Variants in DAB2IP observed in about 807,000 individuals in gnomAD.
DAB2IP encodes DAB2 interacting protein.
In DAB2IP, 28 loss-of-function variants were observed where a neutral mutation model predicts 107.2. That is an observed-to-expected ratio of 0.26 (90% confidence interval 0.19 to 0.36). The LOEUF (loss-of-function observed/expected upper bound fraction) is 0.36. Among genes scored for constraint, DAB2IP ranks in the 10% least tolerant of loss-of-function variants. The pLI, the probability that DAB2IP is intolerant of heterozygous loss-of-function variation, is 1.00. For missense variants in DAB2IP, 1,400 were observed against 1,644.7 expected (o/e 0.85, Z 2.57); for synonymous variants, 755 against 706.4 (o/e 1.07, Z -1.09).
intron 2 of DAB2IP, among the ~76,000 whole-genome samples, chr9:121,696,831 G>A (rs916943265): frequency 6.6e-6 from 1 of 152,236 alleles, no homozygotes; most frequent in Non-Finnish European, 1.5e-5. Context: ...TCTCTAGGTG[G>A]ATGTGTGATG....
chr9:121,649,147 T>A (rs753308218), upstream of DAB2IP, among the ~76,000 whole-genome samples: 300 of 152,058 alleles, frequency 2.0e-3, 1 homozygote, highest in Non-Finnish European at 8.7e-4. Context: ...GTGGAGATGC[T>A]CGGCTCAGCT....
chr9:121,614,337 C>CTTT (rs35959966), intron 1 of DAB2IP, among the ~76,000 whole-genome samples: 1,203 of 102,438 alleles, frequency 0.012, 9 homozygotes, highest in Non-Finnish European at 0.013. Context: ...TCTTTCTTTT[C>CTTT]TTTTTTTTTT....
At chr9:121,625,226 A>G (rs1831601257) in intron 1 of DAB2IP, among the ~76,000 whole-genome samples, 1 of 148,322 alleles carries the variant, frequency 6.7e-6, no homozygotes, top group African/African-American at 2.5e-5. Context: ...CATAGATGCT[A>G]CCAAAGTGGC....
chr9:121,681,130 G>T (rs1185562868), intron 2 of DAB2IP, among the ~76,000 whole-genome samples: 3 of 152,068 alleles, frequency 2.0e-5, no homozygotes, highest in African/African-American at 4.8e-5. Flanking sequence ...GTTCCGAGAG[G>T]TAAAGTCACT....
chr9:121,571,912 G>A (rs896220338), intron 1 of DAB2IP, among the ~76,000 whole-genome samples: 7 of 152,174 alleles, frequency 4.6e-5, no homozygotes, highest in South Asian at 4.2e-4. Flanking sequence ...GGGAGAGCTC[G>A]GAAACTCGGC....
At chr9:121,774,046 A>C (rs1020614148) in intron 12 of DAB2IP, among the ~76,000 whole-genome samples, 6 of 152,144 alleles carry the variant, frequency 3.9e-5, no homozygotes, top group African/African-American at 1.4e-4. Flanking sequence ...GGTGCTCAGG[A>C]GGCCACCTGG....
At chr9:121,589,459 C>T (rs181754784) in intron 1 of DAB2IP, among the ~76,000 whole-genome samples, 19 of 152,282 alleles carry the variant, frequency 1.2e-4, no homozygotes, top group Non-Finnish European at 4.4e-5. Flanking sequence ...TAAAGACACA[C>T]TCAGAGGTCA....
intron 1 of DAB2IP, among the ~76,000 whole-genome samples, chr9:121,628,308 C>T (rs1209975472): frequency 1.3e-5 from 2 of 152,204 alleles, no homozygotes; most frequent in African/African-American, 4.8e-5. Context: ...CCCCCCCCAT[C>T]CTAGTGATCC....
chr9:121,759,845 C>T (rs1169993304), intron 5 of DAB2IP, 40 bp from the exon 6 acceptor site: 1 of 1,556,414 alleles, frequency 6.4e-7, no homozygotes, highest in Admixed American at 1.8e-5. Flanking sequence ...TTGCACGTGG[C>T]ACCCCCAGCT....
intron 1 of DAB2IP, among the ~76,000 whole-genome samples, chr9:121,580,689 ATC>A (rs752243345): frequency 1.2e-4 from 18 of 151,948 alleles, no homozygotes; most frequent in Admixed American, 4.6e-4. Flanking sequence ...CAGTGGCGCA[ATC>A]TCAGCTCACT....
At chr9:121,574,262 C>T (rs927204158) in intron 1 of DAB2IP, among the ~76,000 whole-genome samples, 1 of 152,126 alleles carries the variant, frequency 6.6e-6, no homozygotes, top group Non-Finnish European at 1.5e-5. Flanking sequence ...GGCTCTGCCA[C>T]TCAGCTCACT....
At position 121,681,488 on chromosome 9, in the gene DAB2IP, A is replaced by C. The variant is rs142970493; in HGVS notation, c.228+2707A>C. On this transcript the variant is annotated intron_variant, in intron 2 of 15. Transcript: ENST00000408936. ...TCGAGCTGCCTGGGACTCAACTCGC[A>C]GTCCCACCTGCCCGGTTAGGGTCTG... 7.2e-3 allele frequency among the ~76,000 whole-genome samples: 1,093 copies of C among 152,202 alleles called. 10 individuals carry two copies. The highest frequency in any genetic ancestry group is 0.025 in the African/African-American group (1,046 of 41,536).
At chr9:121,740,589 T>C (rs1468783108) in intron 3 of DAB2IP, among the ~76,000 whole-genome samples, 1 of 152,224 alleles carries the variant, frequency 6.6e-6, no homozygotes, top group Non-Finnish European at 1.5e-5. Flanking sequence ...CCAGGAGCTC[T>C]AACCCTCACC....
At chr9:121,730,424 C>T (rs1385547358) in intron 3 of DAB2IP, among the ~76,000 whole-genome samples, 3 of 152,182 alleles carry the variant, frequency 2.0e-5, no homozygotes. Flanking sequence ...AATTATAGCT[C>T]CATATTGGTA....
chr9:121,573,998 G>A (rs1282633982), intron 1 of DAB2IP, among the ~76,000 whole-genome samples: 4 of 152,102 alleles, frequency 2.6e-5, no homozygotes, highest in Admixed American at 6.5e-5. Flanking sequence ...TGGCCAAGGC[G>A]AGAGGCAGAC....
intron 3 of DAB2IP, among the ~76,000 whole-genome samples, chr9:121,730,972 T>C (rs1016717014): frequency 6.6e-6 from 1 of 152,186 alleles, no homozygotes; most frequent in Non-Finnish European, 1.5e-5. Flanking sequence ...GACACAGATC[T>C]CTGAAGAAGG....
intron 13 of DAB2IP, among the ~76,000 whole-genome samples, chr9:121,775,488 T>C (rs554074596): frequency 3.9e-5 from 6 of 152,348 alleles, no homozygotes; most frequent in African/African-American, 1.4e-4. Context: ...TGCATCCCTG[T>C]GTCCTCATGG....
chr9:121,747,497 G>A (rs1473354874), intron 3 of DAB2IP, among the ~76,000 whole-genome samples: 2 of 152,020 alleles, frequency 1.3e-5, no homozygotes, highest in Admixed American at 6.5e-5. Context: ...ACAGGCGCCC[G>A]CCATCACGCC....
intron 1 of DAB2IP, among the ~76,000 whole-genome samples, chr9:121,639,808 G>A (rs1832216038): frequency 6.6e-6 from 1 of 152,172 alleles, no homozygotes; most frequent in Non-Finnish European, 1.5e-5. Flanking sequence ...AGAGCAACAG[G>A]TGGGCGAGTG....
Sources: allele counts gnomAD v4.1 joint callset (sites outside exome capture counted in the v4.1 genomes callset), GRCh38; gene constraint gnomAD v4.1.1; transcripts MANE v1.5; gene names NCBI Gene and HGNC (gene_info 2026-07-23, HGNC 2026-07-21).